PARN: variants seen among roughly 807,000 people sequenced by gnomAD.
PARN encodes the protein poly(A)-specific ribonuclease PARN.
In PARN, 71 loss-of-function variants were observed where a neutral mutation model predicts 102.8. That is an observed-to-expected ratio of 0.69 (90% CI 0.57 to 0.84). PARN has a LOEUF of 0.84. Among genes scored for constraint, PARN ranks in the 40% least tolerant of loss-of-function variants. The pLI, the probability that PARN is intolerant of heterozygous loss-of-function variation, is 0.00. For synonymous variants in PARN, 261 were observed against 252.9 expected (o/e 1.03, Z -0.30); for missense variants, 782 against 760.9 (o/e 1.03, Z -0.33).
chr16:14,613,348 C>T (rs918801127), intron 6 of PARN, among the ~76,000 whole-genome samples: 1 of 148,980 alleles, frequency 6.7e-6, no homozygotes, highest in Non-Finnish European at 1.5e-5. Flanking sequence ...GGAGGCCGGG[C>T]GCCTGGCTCA....
chr16:14,606,434 T>C lies in PARN; in HGVS notation c.702+50A>G, dbSNP rs200618327. The C allele has an allele frequency of 1.3e-3, 1,354 of 1,009,282 alleles. 2 individuals are homozygous for C. The highest frequency in any genetic ancestry group is 1.5e-3 in the Non-Finnish European group (1,001 of 673,232). The allele number at this position is 1,009,282 out of a possible 1,614,324, so 62.5% of individuals were successfully genotyped here. ...GAAAAAAAAAAGAAACCCCTAACAG[T>C]GTAACAATGGATGTGTTTAATGTTA... On this transcript the variant is annotated intron_variant, in intron 10 of 23. Coordinates refer to ENST00000437198, the MANE Select transcript of PARN (RefSeq NM_002582.4).
chr16:14,538,950 CTGATGA>C (rs1336576059), intron 21 of PARN, among the ~76,000 whole-genome samples: 1 of 152,144 alleles, frequency 6.6e-6, no homozygotes, highest in Non-Finnish European at 1.5e-5. Flanking sequence ...AATCTAATGT[CTGATGA>C]TCTGTCACTG....
At chr16:14,500,790 A>T (rs1437446974) in intron 21 of PARN, among the ~76,000 whole-genome samples, 1 of 152,164 alleles carries the variant, frequency 6.6e-6, no homozygotes, top group African/African-American at 2.4e-5. Context: ...ACCCAGCTAT[A>T]AAGCTCCACA....
At chr16:14,588,766 C>CA (rs1228222763) in intron 13 of PARN, among the ~76,000 whole-genome samples, 1 of 152,038 alleles carries the variant, frequency 6.6e-6, no homozygotes, top group East Asian at 1.9e-4. Context: ...CCTGTAATCC[C>CA]AGCTACTTGA....
intron 23 of PARN, among the ~76,000 whole-genome samples, chr16:14,445,752 C>T (rs182030172): frequency 1.3e-5 from 2 of 152,286 alleles, no homozygotes; most frequent in East Asian, 1.9e-4. Context: ...TTAGTAGAGA[C>T]GTGGTTTTGC....
At chr16:14,519,405 A>C (rs939250371) in intron 21 of PARN, among the ~76,000 whole-genome samples, 2 of 151,722 alleles carry the variant, frequency 1.3e-5, no homozygotes, top group African/African-American at 4.8e-5. Flanking sequence ...TAAAGCTCAG[A>C]AACAATAACC....
intron 23 of PARN, among the ~76,000 whole-genome samples, chr16:14,444,983 AT>A (rs564058919): frequency 0.013 from 1,514 of 117,980 alleles, 6 homozygotes; most frequent in Admixed American, 0.017. Flanking sequence ...TAATATTTAA[AT>A]TTTTTTTTTT....
intron 18 of PARN, among the ~76,000 whole-genome samples, chr16:14,562,144 A>G (rs1204495488): frequency 3.9e-5 from 6 of 152,178 alleles, no homozygotes; most frequent in African/African-American, 1.4e-4. Flanking sequence ...GCAAAAAAAG[A>G]AAAGAAAAGT....
Position 14,609,051 on chromosome 16 carries a change from A to C in PARN, c.620+7T>G. 6.5e-7 allele frequency: 1 copy of C among 1,543,692 alleles called. No homozygotes were observed. The highest frequency in any genetic ancestry group is 8.9e-7 in the Non-Finnish European group (1 of 1,122,472). On this transcript the variant is annotated splice_region_variant and intron_variant, in intron 8 of 23. Transcript: ENST00000437198. ...AAGGACATGCAGAAATGTTCAGGAC[A>C]ACTAACCCGGTACATGGCTCTAAAT...
At chr16:14,621,992 T>G (rs1319021475) in intron 5 of PARN, among the ~76,000 whole-genome samples, 1 of 151,832 alleles carries the variant, frequency 6.6e-6, no homozygotes, top group Non-Finnish European at 1.5e-5. Context: ...CAGGAATTCG[T>G]GACCAGACTG....
At chr16:14,606,974 G>T (rs1317545400) in intron 9 of PARN, among the ~76,000 whole-genome samples, 1 of 151,740 alleles carries the variant, frequency 6.6e-6, no homozygotes, top group Non-Finnish European at 1.5e-5. Context: ...GTAGAAACGG[G>T]GTTTCACCGT....
intron 21 of PARN, among the ~76,000 whole-genome samples, chr16:14,534,041 G>A (rs1458281644): frequency 1.3e-5 from 2 of 152,056 alleles, no homozygotes; most frequent in Non-Finnish European, 2.9e-5. Flanking sequence ...GGACAACATG[G>A]TGAAACCCCA....
At chr16:14,492,120 G>A (rs911068367) in intron 21 of PARN, among the ~76,000 whole-genome samples, 1 of 152,214 alleles carries the variant, frequency 6.6e-6, no homozygotes, top group South Asian at 2.1e-4. Flanking sequence ...TATCGTGGGT[G>A]TTTCTCCAAC....
intron 21 of PARN, among the ~76,000 whole-genome samples, chr16:14,489,210 G>A (rs1963917034): frequency 6.6e-6 from 1 of 152,136 alleles, no homozygotes; most frequent in Non-Finnish European, 1.5e-5. Context: ...AACTAGAGAG[G>A]AGAAGAGCAA....
chr16:14,451,130 C>T (rs1961425533), intron 22 of PARN, among the ~76,000 whole-genome samples: 2 of 152,124 alleles, frequency 1.3e-5, no homozygotes, highest in African/African-American at 2.4e-5. Flanking sequence ...GTTCATCGTC[C>T]GTACTCTCCC....
rs757486620 is a variant in PARN, at chr16:14,556,153, C to CTAT, written c.1263-447_1263-445dup. On this transcript the variant is annotated intron_variant, in intron 18 of 23. Coordinates refer to ENST00000437198, the MANE Select transcript of PARN (RefSeq NM_002582.4). ...TCTGGCTTTATAATTATTATTATTA[C>CTAT]TATTATTATTATTATTATCATTTTG... Among the ~76,000 whole-genome samples the CTAT allele has an allele frequency of 2.0e-4, 30 of 146,880 alleles. No individual in the cohort carries two copies. In the East Asian group the frequency reaches 2.6e-3, roughly 13 times the overall value.
intron 22 of PARN, among the ~76,000 whole-genome samples, chr16:14,473,044 G>C (rs1962838238): frequency 6.6e-6 from 1 of 152,210 alleles, no homozygotes; most frequent in Non-Finnish European, 1.5e-5. Flanking sequence ...GAAGAGGGCA[G>C]AAAGAGACGG....
At chr16:14,622,017 ACT>A (rs1362521651) in intron 5 of PARN, among the ~76,000 whole-genome samples, 1 of 151,758 alleles carries the variant, frequency 6.6e-6, no homozygotes, top group Non-Finnish European at 1.5e-5. Flanking sequence ...ACATGGTGAA[ACT>A]CTGTCCCTAC....
At chr16:14,580,595 G>A (rs2151748592) in intron 18 of PARN, among the ~76,000 whole-genome samples, 1 of 152,026 alleles carries the variant, frequency 6.6e-6, no homozygotes, top group South Asian at 2.1e-4. Flanking sequence ...CCCCTCATAG[G>A]AAATTTAAAT....
Sources: allele counts gnomAD v4.1 joint callset (sites outside exome capture counted in the v4.1 genomes callset), GRCh38; gene constraint gnomAD v4.1.1; transcripts MANE v1.5; gene names NCBI Gene and HGNC (gene_info 2026-07-23, HGNC 2026-07-21).